Variants in DNAH12 observed in about 807,000 individuals in gnomAD.
The protein encoded by DNAH12 is dynein axonemal heavy chain 12.
In DNAH12, 285 loss-of-function variants were observed where a neutral mutation model predicts 371.5. The observed-to-expected ratio is 0.77, with a 90% confidence interval of 0.70 to 0.85. The LOEUF (loss-of-function observed/expected upper bound fraction) is 0.85. Among genes scored for constraint, DNAH12 ranks in the 40% least tolerant of loss-of-function variants. The probability of loss-of-function intolerance (pLI) is 0.00; values close to 1 mark genes in which losing one functional copy is unlikely to be tolerated. For synonymous variants in DNAH12, 1,200 were observed against 1,213.0 expected (o/e 0.99, Z 0.22); for missense variants, 3,611 against 3,689.4 (o/e 0.98, Z 0.55).
intron 55 of DNAH12, among the ~76,000 whole-genome samples, 170 bp from the exon 56 acceptor site, chr3:57,368,430 TTTTC>T (rs1219117282): frequency 2.0e-5 from 3 of 152,074 alleles, no homozygotes; most frequent in Non-Finnish European, 4.4e-5. Flanking sequence ...GAGTTTTTTT[TTTTC>T]TTTCTTATTT....
At chr3:57,334,658 A>G (rs1429271762) in intron 61 of DNAH12, 49 bp from the exon 62 acceptor site, 2 of 1,516,936 alleles carry the variant, frequency 1.3e-6, no homozygotes, top group African/African-American at 2.8e-5. Context: ...GAAAAACTTA[A>G]AAGAGATTGT....
chr3:57,524,290 T>G (rs1188671057), intron 2 of DNAH12, among the ~76,000 whole-genome samples: 1 of 152,292 alleles, frequency 6.6e-6, no homozygotes, highest in Non-Finnish European at 1.5e-5. Flanking sequence ...TTCAAAGCAC[T>G]TACCATCGTT....
intron 34 of DNAH12, among the ~76,000 whole-genome samples, chr3:57,427,079 A>C (rs979693311): frequency 2.0e-5 from 3 of 151,120 alleles, no homozygotes; most frequent in Non-Finnish European, 4.4e-5. Context: ...TTTTAGGATA[A>C]AACTGAGTAT....
intron 69 of DNAH12, among the ~76,000 whole-genome samples, chr3:57,303,727 C>G (rs945566385): frequency 2.6e-5 from 4 of 152,030 alleles, no homozygotes; most frequent in African/African-American, 9.7e-5. Flanking sequence ...GGGGAAAATT[C>G]CAATGAAATG....
intron 69 of DNAH12, among the ~76,000 whole-genome samples, chr3:57,304,051 T>C (rs535764141): frequency 3.9e-4 from 57 of 147,980 alleles, no homozygotes; most frequent in African/African-American, 1.2e-3. Flanking sequence ...ACTGAGCACC[T>C]TGTGACCCCC....
At chr3:57,437,158 A>T (rs76481314) in intron 29 of DNAH12, 98 bp from the exon 30 acceptor site, 23 of 734,246 alleles carry the variant, frequency 3.1e-5, no homozygotes, top group Non-Finnish European at 4.9e-5. Flanking sequence ...TTAAAAAAAA[A>T]CTATCATCAT....
intron 58 of DNAH12, among the ~76,000 whole-genome samples, chr3:57,362,564 T>C (rs2062959702): frequency 6.6e-6 from 1 of 152,196 alleles, no homozygotes; most frequent in Non-Finnish European, 1.5e-5. Context: ...CCATTCTAAC[T>C]GGTGTGAGAT....
chr3:57,338,277 G>A (rs561518036), intron 60 of DNAH12, among the ~76,000 whole-genome samples: 17 of 152,366 alleles, frequency 1.1e-4, no homozygotes, highest in Non-Finnish European at 2.5e-4. Context: ...CTCCCGAGGT[G>A]CTGGGATTGC....
At chr3:57,508,117 A>G (rs2067833479) in intron 7 of DNAH12, among the ~76,000 whole-genome samples, 1 of 150,850 alleles carries the variant, frequency 6.6e-6, no homozygotes, top group Non-Finnish European at 1.5e-5. Flanking sequence ...AACCAGGGAG[A>G]CAAAGCTTGC....
chr3:57,332,195 TTTTC>T (rs1050519943), intron 62 of DNAH12, among the ~76,000 whole-genome samples: 9 of 152,244 alleles, frequency 5.9e-5, no homozygotes, highest in African/African-American at 1.4e-4. Context: ...TGGTTTCTTG[TTTTC>T]TTTCTATTAC....
intron 17 of DNAH12, among the ~76,000 whole-genome samples, chr3:57,463,705 AG>A (rs1240193547): frequency 2.0e-5 from 3 of 152,174 alleles, no homozygotes; most frequent in Non-Finnish European, 2.9e-5. Flanking sequence ...ATAATATAAC[AG>A]GCACTCAGTA....
intron 20 of DNAH12, among the ~76,000 whole-genome samples, chr3:57,458,730 T>C (rs908094650): frequency 8.5e-5 from 13 of 152,250 alleles, no homozygotes; most frequent in Non-Finnish European, 1.0e-4. Flanking sequence ...TAAAATTTTA[T>C]TGTAGCACAG....
At chr3:57,463,112 A>T (rs993258114) in intron 17 of DNAH12, among the ~76,000 whole-genome samples, 11 of 152,046 alleles carry the variant, frequency 7.2e-5, no homozygotes, top group African/African-American at 9.7e-5. Flanking sequence ...ATAAGAGTAA[A>T]CAAGAAGAAT....
At chr3:57,382,576 A>T (rs1261631666) in intron 49 of DNAH12, among the ~76,000 whole-genome samples, 183 bp from the exon 50 acceptor site, 7 of 151,916 alleles carry the variant, frequency 4.6e-5, no homozygotes, top group Non-Finnish European at 1.0e-4. Context: ...AATTCAGCAC[A>T]GATTAAGACT....
intron 17 of DNAH12, among the ~76,000 whole-genome samples, chr3:57,465,923 T>C (rs1189495197): frequency 6.6e-6 from 1 of 152,098 alleles, no homozygotes; most frequent in Non-Finnish European, 1.5e-5. Flanking sequence ...AGCAAAAACC[T>C]AAAGTTTGAT....
In DNAH12 at chr3:57,314,650, A is replaced by C. The variant is rs759741120; in HGVS notation, c.10525-19T>G. Reference sequence around the variant, plus strand: ...CCCAGGCCTTTAATATAAAAAGTACATAACAAGAAAAAAAATTCCGGTCAG... The same window carrying C: ...CCCAGGCCTTTAATATAAAAAGTACCTAACAAGAAAAAAAATTCCGGTCAG... On this transcript the variant is annotated intron_variant, in intron 65 of 73. Coordinates refer to ENST00000495027, the MANE Select transcript of DNAH12 (RefSeq NM_001366028.2). 4.6e-6 allele frequency: 7 copies of C among 1,510,166 alleles called. No homozygotes were observed. In the South Asian group the frequency reaches 6.4e-5, roughly 14 times the overall value. 93.5% of individuals were successfully genotyped at this position (1,510,166 alleles called of 1,614,324 possible).
intron 72 of DNAH12, 35 bp from the exon 73 acceptor site, chr3:57,295,627 A>C: frequency 1.3e-6 from 2 of 1,509,566 alleles, no homozygotes; most frequent in Non-Finnish European, 8.9e-7. Flanking sequence ...TATTAGAAAT[A>C]ACATGAAATT....
chr3:57,413,936 A>G (rs2064285485), intron 38 of DNAH12, 24 bp from the exon 39 acceptor site: 3 of 1,536,672 alleles, frequency 2.0e-6, no homozygotes, highest in South Asian at 1.2e-5. Context: ...GAAGAATGGT[A>G]TATTTACCTA....
At chr3:57,461,226 A>G (rs1194274107) in intron 19 of DNAH12, among the ~76,000 whole-genome samples, 4 of 152,110 alleles carry the variant, frequency 2.6e-5, no homozygotes, top group African/African-American at 9.7e-5. Context: ...TTTTCCTCTC[A>G]AGTCTATCAC....
Sources: gnomAD v4.1 joint callset for allele counts (sites outside exome capture counted in the v4.1 genomes callset) on GRCh38, gnomAD v4.1.1 for gene constraint, MANE v1.5 for transcripts, NCBI Gene and HGNC (gene_info 2026-07-23, HGNC 2026-07-21) for gene names.